TACC1: variants seen among roughly 807,000 people sequenced by gnomAD.
TACC1 encodes transforming acidic coiled-coil-containing protein 1.
Under a neutral mutation model 84.4 loss-of-function variants are expected in TACC1, and 48 were observed. The observed-to-expected ratio is 0.57, with a 90% CI of 0.45 to 0.72. The LOEUF is 0.72. Among genes scored for constraint, TACC1 ranks in the 30% least tolerant of loss-of-function variants. The pLI, the probability that TACC1 is intolerant of heterozygous loss-of-function variation, is 0.00. For synonymous variants in TACC1, 372 were observed against 376.3 expected, an observed-to-expected ratio of 0.99 and a Z score of 0.13; for missense variants, 920 against 973.0, an observed-to-expected ratio of 0.95 and a Z score of 0.72.
intron 2 of TACC1, among the ~76,000 whole-genome samples, chr8:38,744,406 G>A (rs1056987789): frequency 2.6e-5 from 4 of 151,860 alleles, no homozygotes; most frequent in Non-Finnish European, 4.4e-5. Flanking sequence ...AGGAGCCACC[G>A]CACCGAGCCT....
At chr8:38,777,388 A>G (rs1815026899) in intron 3 of TACC1, among the ~76,000 whole-genome samples, 1 of 152,138 alleles carries the variant, frequency 6.6e-6, no homozygotes, top group Non-Finnish European at 1.5e-5. Context: ...CTGTGGCTCT[A>G]TCCTGTCCAG....
chr8:38,798,907 GAT>G (rs540396496), intron 2 of TACC1, among the ~76,000 whole-genome samples: 264 of 152,266 alleles, frequency 1.7e-3, no homozygotes, highest in African/African-American at 6.1e-3. Context: ...TTTTAAGGCT[GAT>G]GACTAAGTGA....
intron 2 of TACC1, among the ~76,000 whole-genome samples, chr8:38,812,825 T>A (rs539217574): frequency 6.6e-6 from 1 of 152,344 alleles, no homozygotes; most frequent in South Asian, 2.1e-4. Context: ...GTCTCTAAAC[T>A]GCATGAGAAC....
chr8:38,810,000 C>A (rs1225670698), intron 2 of TACC1, among the ~76,000 whole-genome samples: 1 of 152,192 alleles, frequency 6.6e-6, no homozygotes, highest in Non-Finnish European at 1.5e-5. Flanking sequence ...CTTTAAAAAA[C>A]TAGGATCCGC....
intron 3 of TACC1, among the ~76,000 whole-genome samples, chr8:38,752,880 C>G (rs1020358281): frequency 2.0e-5 from 3 of 152,082 alleles, no homozygotes; most frequent in Non-Finnish European, 4.4e-5. Context: ...GTGAACGATT[C>G]TGAGCCCCAG....
intron 3 of TACC1, among the ~76,000 whole-genome samples, chr8:38,777,987 A>T (rs753334797): frequency 6.6e-6 from 1 of 152,216 alleles, no homozygotes; most frequent in African/African-American, 2.4e-5. Flanking sequence ...ATGGATACAG[A>T]TGGATACAGG....
chr8:38,759,690 A>G (rs1186995081), intron 3 of TACC1, among the ~76,000 whole-genome samples: 1 of 152,224 alleles, frequency 6.6e-6, no homozygotes, highest in Admixed American at 6.5e-5. Flanking sequence ...ACATAAACAC[A>G]TGCAGTCAGT....
chr8:38,847,061 A>G (rs1832452396), intron 12 of TACC1, among the ~76,000 whole-genome samples: 1 of 152,220 alleles, frequency 6.6e-6, no homozygotes, highest in African/African-American at 2.4e-5. Context: ...TTTTAACTGA[A>G]GTTCAGAACA....
At chr8:38,837,117 T>C (rs1427621399) in intron 7 of TACC1, among the ~76,000 whole-genome samples, 1 of 150,796 alleles carries the variant, frequency 6.6e-6, no homozygotes, top group Non-Finnish European at 1.5e-5. Flanking sequence ...TTTTTTTTTT[T>C]TTTTTTTGAG....
At chr8:38,750,567 C>T (rs1213481661) in intron 3 of TACC1, among the ~76,000 whole-genome samples, 1 of 152,054 alleles carries the variant, frequency 6.6e-6, no homozygotes, top group African/African-American at 2.4e-5. Context: ...CCCTAAGAAA[C>T]CCACAATAAA....
intron 12 of TACC1, among the ~76,000 whole-genome samples, chr8:38,847,717 G>C (rs1832582477): frequency 6.6e-6 from 1 of 152,208 alleles, no homozygotes; most frequent in African/African-American, 2.4e-5. Flanking sequence ...TCATGGACAA[G>C]TTTCAGAGGG....
At chr8:38,805,193 CCT>C (rs1204460063) in intron 2 of TACC1, among the ~76,000 whole-genome samples, 24 of 152,316 alleles carry the variant, frequency 1.6e-4, no homozygotes, top group Admixed American at 4.6e-4. Flanking sequence ...GGCTTCCTAA[CCT>C]CTCTCATAGC....
chr8:38,728,764 C>G (rs976280294), intron 1 of TACC1: 1 of 152,236 alleles, frequency 6.6e-6, no homozygotes, highest in African/African-American at 2.4e-5. Context: ...TGAGGTGTTT[C>G]CCTCGCTTGG....
upstream of TACC1, among the ~76,000 whole-genome samples, chr8:38,786,444 G>A (rs1817154028): frequency 6.6e-6 from 1 of 152,188 alleles, no homozygotes; most frequent in South Asian, 2.1e-4. Context: ...TGTCAGGCCT[G>A]GAATCCTAGC....
intron 3 of TACC1, among the ~76,000 whole-genome samples, chr8:38,777,507 C>T (rs915210374): frequency 1.3e-5 from 2 of 152,148 alleles, no homozygotes; most frequent in African/African-American, 4.8e-5. Flanking sequence ...AGGGGCCAGG[C>T]ACAATAGCTC....
At chr8:38,745,221 A>T in exon 3 of TACC1, 1 of 396,682 alleles carries the variant, frequency 2.5e-6, no homozygotes, top group Non-Finnish European at 4.5e-6. Flanking sequence ...TCAGCTAAAG[A>T]CAAAGATCTG....
At chr8:38,730,366 C>G (rs780814684) in intron 1 of TACC1, among the ~76,000 whole-genome samples, 1 of 152,268 alleles carries the variant, frequency 6.6e-6, no homozygotes, top group East Asian at 1.9e-4. Context: ...GCCTCTCTCT[C>G]CAAGTCTTTT....
intron 3 of TACC1, among the ~76,000 whole-genome samples, chr8:38,759,456 A>C (rs1810774707): frequency 6.6e-6 from 1 of 152,226 alleles, no homozygotes; most frequent in Non-Finnish European, 1.5e-5. Flanking sequence ...TCAGGATGTG[A>C]GGTAGGGTTC....
rs763667604 is a variant in TACC1, at chr8:38,843,359, A to G, written c.2192A>G (p.Gln731Arg). 3 of 1,609,562 alleles carry G rather than the reference A, an allele frequency of 1.9e-6. No homozygotes were observed. Among genetic ancestry groups the G allele is most frequent in the East Asian group, 4.5e-5 (2 of 44,606 alleles). The change falls in exon 11 of 13, where the codon CAG becomes CGG. Residue 731 changes from glutamine (Q) to arginine (R), a missense_variant. By Grantham distance (43) the Gln-to-Arg change is conservative. Around this residue, in one of 2 missense-constraint regions of TACC1, gnomAD observed 158 missense variants for 225.6 expected, o/e 0.70. Coordinates refer to ENST00000317827, the MANE Select transcript of TACC1 (RefSeq NM_006283.3). ...ARVKQEEQRY[Q>R]ALKIHAEEKL... ...GTTAAACAAGAGGAGCAGCGATACC[A>G]GGCCCTGAAAATCCACGCAGAAGAG...
Sources: gnomAD v4.1 joint callset for allele counts (sites outside exome capture counted in the v4.1 genomes callset) on GRCh38, gnomAD v4.1.1 for gene constraint, gnomAD v4.1.1 regional missense constraint, MANE v1.5 for transcripts, NCBI Gene and HGNC (gene_info 2026-07-23, HGNC 2026-07-21) for gene names.